PDE1A: variants seen among roughly 807,000 people sequenced by gnomAD.
PDE1A encodes phosphodiesterase 1A.
Under a neutral mutation model 61.7 loss-of-function variants are expected in PDE1A, and 35 were observed. The ratio of observed to expected loss-of-function variants is 0.57; its 90% CI spans 0.43 to 0.75. The LOEUF (loss-of-function observed/expected upper bound fraction) is 0.75, where lower values mean the gene tolerates loss of function less well. Among genes scored for constraint, PDE1A ranks in the 30% least tolerant of loss-of-function variants. The pLI is 0.00. For synonymous variants in PDE1A, 232 were observed against 213.2 expected (o/e 1.09, Z -0.77); for missense variants, 597 against 630.6 (o/e 0.95, Z 0.57).
the PDE1A span, among the ~76,000 whole-genome samples, chr2:182,620,673 T>C: frequency 6.6e-6 from 1 of 152,238 alleles, no homozygotes; most frequent in Non-Finnish European, 1.5e-5. Flanking sequence ...TCCTTTTCAG[T>C]TGTCTTATGT....
At chr2:182,700,721 C>CAAAAAAAAAA in the PDE1A span, among the ~76,000 whole-genome samples, 11 of 23,994 alleles carry the variant, frequency 4.6e-4, 2 homozygotes, top group South Asian at 3.1e-3. Flanking sequence ...GACTCCATCT[C>CAAAAAAAAAA]AAAAAAAAAA....
At chr2:182,300,135 A>G (rs1178527723) in intron 1 of PDE1A, among the ~76,000 whole-genome samples, 1 of 152,198 alleles carries the variant, frequency 6.6e-6, no homozygotes, top group Non-Finnish European at 1.5e-5. Context: ...GACCCTTAAC[A>G]TGGCCTCTTC....
At chr2:182,521,466 T>C (rs1421533755) in intron 2 of PDE1A, among the ~76,000 whole-genome samples, 1 of 152,078 alleles carries the variant, frequency 6.6e-6, no homozygotes, top group East Asian at 1.9e-4. Context: ...AAATGTTAAA[T>C]CTGATTTTTA....
chr2:182,340,369 T>C (rs1206514216), intron 1 of PDE1A, among the ~76,000 whole-genome samples: 1 of 152,152 alleles, frequency 6.6e-6, no homozygotes, highest in Non-Finnish European at 1.5e-5. Context: ...AGCCTCCAAG[T>C]GAAATGAATA....
intron 1 of PDE1A, among the ~76,000 whole-genome samples, chr2:182,324,900 T>C (rs1365667644): frequency 6.6e-6 from 1 of 152,200 alleles, no homozygotes; most frequent in East Asian, 1.9e-4. Flanking sequence ...TACGTGCCAG[T>C]TGCTTTCACA....
chr2:182,597,590 T>G, the PDE1A span, among the ~76,000 whole-genome samples: 2 of 152,172 alleles, frequency 1.3e-5, no homozygotes. Flanking sequence ...AGAGACCGTT[T>G]CCACAATACC....
the PDE1A span, among the ~76,000 whole-genome samples, chr2:182,706,161 A>G: frequency 6.6e-6 from 1 of 152,204 alleles, no homozygotes; most frequent in African/African-American, 2.4e-5. Context: ...ACAGGGAAAC[A>G]GTGGTTCAGT....
intron 1 of PDE1A, among the ~76,000 whole-genome samples, chr2:182,322,866 A>T (rs1362975639): frequency 6.6e-6 from 1 of 152,224 alleles, no homozygotes; most frequent in Non-Finnish European, 1.5e-5. Flanking sequence ...AAATAAATAA[A>T]TAACTAGGCT....
chr2:182,240,746 T>C (rs1424951178), intron 2 of PDE1A, among the ~76,000 whole-genome samples: 1 of 152,212 alleles, frequency 6.6e-6, no homozygotes, highest in South Asian at 2.1e-4. Context: ...TTAAGTATAG[T>C]ACATGCTATT....
chr2:182,173,307 T>C (rs1692416875), intron 13 of PDE1A, among the ~76,000 whole-genome samples: 1 of 152,024 alleles, frequency 6.6e-6, no homozygotes, highest in Non-Finnish European at 1.5e-5. Flanking sequence ...TGTACCTTTG[T>C]AATAAAGGAA....
At chr2:182,310,718 C>G (rs1695909418) in intron 1 of PDE1A, among the ~76,000 whole-genome samples, 2 of 152,158 alleles carry the variant, frequency 1.3e-5, no homozygotes, top group Admixed American at 6.5e-5. Flanking sequence ...CTCCTCACTG[C>G]TCCATGGCTG....
chr2:182,145,421 C>CG (rs1200644946), downstream of PDE1A, among the ~76,000 whole-genome samples: 1 of 151,926 alleles, frequency 6.6e-6, no homozygotes, highest in African/African-American at 2.4e-5. Context: ...TTACTTTGAG[C>CG]GGGCCGCACA....
intron 8 of PDE1A, among the ~76,000 whole-genome samples, chr2:182,204,967 G>C (rs992893280): frequency 1.3e-5 from 2 of 152,124 alleles, no homozygotes; most frequent in African/African-American, 4.8e-5. Flanking sequence ...AGTGTTCACA[G>C]GAGATTTAGG....
At chr2:182,433,419 A>C (rs1428181868) in intron 2 of PDE1A, among the ~76,000 whole-genome samples, 1 of 152,074 alleles carries the variant, frequency 6.6e-6, no homozygotes, top group African/African-American at 2.4e-5. Context: ...ATGCTTTCTT[A>C]ATTTATCTCC....
intron 1 of PDE1A, among the ~76,000 whole-genome samples, chr2:182,315,308 T>C (rs1354144222): frequency 1.3e-5 from 2 of 152,226 alleles, no homozygotes; most frequent in East Asian, 3.8e-4. Context: ...CCATTCATTC[T>C]TCAAGAATTA....
chr2:182,696,959 C>T, the PDE1A span, among the ~76,000 whole-genome samples: 1 of 152,142 alleles, frequency 6.6e-6, no homozygotes, highest in African/African-American at 2.4e-5. Flanking sequence ...AGATTCTAAG[C>T]ATTGATTTTT....
At chr2:182,194,352 T>G (rs1442603547) in intron 10 of PDE1A, among the ~76,000 whole-genome samples, 6 of 152,170 alleles carry the variant, frequency 3.9e-5, no homozygotes, top group African/African-American at 1.4e-4. Flanking sequence ...AAAACCTGTC[T>G]TCTTTTACCA....
chr2:182,571,869 T>C, the PDE1A span, among the ~76,000 whole-genome samples: 1 of 150,212 alleles, frequency 6.7e-6, no homozygotes, highest in African/African-American at 2.5e-5. Context: ...CCATGTCTCA[T>C]TATCCAGAAA....
At chr2:182,405,537 T>A (rs1024853977) in intron 1 of PDE1A, among the ~76,000 whole-genome samples, 2 of 152,216 alleles carry the variant, frequency 1.3e-5, no homozygotes, top group Non-Finnish European at 2.9e-5. Context: ...CCTTCAATTT[T>A]CATCATTTCT....
Sources: allele counts gnomAD v4.1 joint callset (sites outside exome capture counted in the v4.1 genomes callset), GRCh38; gene constraint gnomAD v4.1.1; transcripts MANE v1.5; gene names NCBI Gene and HGNC (gene_info 2026-07-23, HGNC 2026-07-21).